Variants in NRG1 observed in about 807,000 individuals in gnomAD.
NRG1 encodes neuregulin 1.
Under a neutral mutation model 63.8 loss-of-function variants are expected in NRG1, and 18 were observed. The observed-to-expected ratio is 0.28, with a 90% confidence interval of 0.19 to 0.42. The LOEUF (loss-of-function observed/expected upper bound fraction) is 0.42, where lower values mean the gene tolerates loss of function less well. NRG1 is among the 10% of genes least tolerant of loss of function. The pLI is 1.00. For missense variants in NRG1, 762 were observed against 814.7 expected (o/e 0.94, Z 0.79); for synonymous variants, 302 against 301.3 (o/e 1.00, Z -0.02).
intron 1 of NRG1, among the ~76,000 whole-genome samples, chr8:32,187,857 A>G (rs190399972): frequency 1.3e-5 from 2 of 152,308 alleles, no homozygotes; most frequent in South Asian, 2.1e-4. Flanking sequence ...TCTAAAGACA[A>G]CGTACCCACT....
chr8:32,042,825 A>C (rs1046081168), intron 1 of NRG1, among the ~76,000 whole-genome samples: 6 of 152,212 alleles, frequency 3.9e-5, no homozygotes, highest in African/African-American at 1.4e-4. Flanking sequence ...AGATAGATTG[A>C]TAGAAATTAT....
chr8:32,745,573 T>C (rs754555203), intron 7 of NRG1, among the ~76,000 whole-genome samples: 1 of 152,172 alleles, frequency 6.6e-6, no homozygotes, highest in Non-Finnish European at 1.5e-5. Flanking sequence ...TAGTACTTTC[T>C]AGGAAAATAT....
intron 1 of NRG1, among the ~76,000 whole-genome samples, chr8:32,159,540 CAAA>C (rs10684266): frequency 4.1e-5 from 3 of 73,688 alleles, no homozygotes; most frequent in Non-Finnish European, 6.4e-5. Context: ...GACTCCGTCT[CAAA>C]AAAAAAAAAA....
At chr8:32,700,353 C>T (rs1814527930) in intron 5 of NRG1, among the ~76,000 whole-genome samples, 1 of 152,066 alleles carries the variant, frequency 6.6e-6, no homozygotes, top group South Asian at 2.1e-4. Flanking sequence ...AAAATGAATG[C>T]TTTTATTTAA....
chr8:31,739,815 AC>A (rs1815082660), intron 1 of NRG1, among the ~76,000 whole-genome samples: 1 of 152,000 alleles, frequency 6.6e-6, no homozygotes, highest in Admixed American at 6.6e-5. Context: ...TCTTTATAAA[AC>A]TGCTAGAAAA....
intron 4 of NRG1, 60 bp downstream of exon 4, chr8:32,614,624 G>T: frequency 2.0e-6 from 3 of 1,521,716 alleles, no homozygotes; most frequent in Non-Finnish European, 2.7e-6. Context: ...ACTGCTGGCT[G>T]CTCCTTCTAC....
intron 1 of NRG1, among the ~76,000 whole-genome samples, chr8:32,402,635 G>A (rs902411695): frequency 6.6e-6 from 1 of 152,070 alleles, no homozygotes; most frequent in African/African-American, 2.4e-5. Flanking sequence ...TTGTGTTGAA[G>A]TCACCCTTAT....
At chr8:32,337,691 A>G (rs1203141851) in intron 1 of NRG1, among the ~76,000 whole-genome samples, 1 of 116,632 alleles carries the variant, frequency 8.6e-6, no homozygotes, top group Admixed American at 8.3e-5. Context: ...AAGCTGATGC[A>G]GTTAGGAAAG....
chr8:32,165,452 A>G (rs1357018215), intron 1 of NRG1, among the ~76,000 whole-genome samples: 1 of 152,136 alleles, frequency 6.6e-6, no homozygotes, highest in African/African-American at 2.4e-5. Flanking sequence ...CCTGGCCCTT[A>G]TTATTGAGTA....
At chr8:31,741,573 G>A (rs1815279834) in intron 1 of NRG1, among the ~76,000 whole-genome samples, 1 of 151,760 alleles carries the variant, frequency 6.6e-6, no homozygotes, top group African/African-American at 2.4e-5. Flanking sequence ...TACTTCAAAC[G>A]ACATTATTCA....
intron 1 of NRG1, among the ~76,000 whole-genome samples, chr8:32,151,992 C>G: frequency 1.3e-5 from 2 of 152,228 alleles, no homozygotes; most frequent in Middle Eastern, 3.4e-3. Flanking sequence ...GTGAGTTAGG[C>G]GAAGTGCACA....
chr8:32,508,416 G>A (rs538343981), intron 1 of NRG1, among the ~76,000 whole-genome samples: 16 of 151,030 alleles, frequency 1.1e-4, no homozygotes, highest in African/African-American at 3.2e-4. Context: ...TCAGCCTCCC[G>A]AGTAGCTGGG....
At chr8:32,767,133 C>T (rs547083290) in exon 12 of NRG1, 1 of 152,332 alleles carries the variant, frequency 6.6e-6, no homozygotes, top group East Asian at 1.9e-4. Context: ...TTCTATCTTA[C>T]TTTCCCTTCC....
chr8:31,739,253 C>A (rs193168931), intron 1 of NRG1, among the ~76,000 whole-genome samples: 27 of 152,118 alleles, frequency 1.8e-4, no homozygotes, highest in Non-Finnish European at 3.1e-4. Context: ...ATTATGTGAC[C>A]ACCCAGGCCT....
At chr8:32,401,894 G>T (rs779293307) in intron 1 of NRG1, among the ~76,000 whole-genome samples, 1 of 152,012 alleles carries the variant, frequency 6.6e-6, no homozygotes, top group Non-Finnish European at 1.5e-5. Flanking sequence ...AATAAAAGTT[G>T]TTTGTTTGGT....
intron 1 of NRG1, among the ~76,000 whole-genome samples, chr8:32,232,704 G>A (rs1174926515): frequency 6.6e-6 from 1 of 151,994 alleles, no homozygotes; most frequent in Non-Finnish European, 1.5e-5. Flanking sequence ...TTTATCCCAG[G>A]CTTTTAGCAA....
intron 1 of NRG1, among the ~76,000 whole-genome samples, chr8:32,091,002 GGGCGCGGT>G (rs1337865624): frequency 6.6e-6 from 1 of 152,160 alleles, no homozygotes; most frequent in Non-Finnish European, 1.5e-5. Flanking sequence ...GAATTGGGCC[GGGCGCGGT>G]GGCTCACACC....
At chr8:31,698,466 A>T (rs1256938836) in intron 1 of NRG1, among the ~76,000 whole-genome samples, 1 of 152,198 alleles carries the variant, frequency 6.6e-6, no homozygotes, top group African/African-American at 2.4e-5. Context: ...GCTTCACTGT[A>T]ATTTTCGTTT....
intron 1 of NRG1, among the ~76,000 whole-genome samples, chr8:32,290,138 G>T (rs1447186183): frequency 6.6e-6 from 1 of 152,050 alleles, no homozygotes; most frequent in Admixed American, 6.6e-5. Context: ...CTATTTGGGA[G>T]GCTAAGGCAG....
Sources: gnomAD v4.1 joint callset for allele counts (sites outside exome capture counted in the v4.1 genomes callset) on GRCh38, gnomAD v4.1.1 for gene constraint, MANE v1.5 for transcripts, NCBI Gene and HGNC (gene_info 2026-07-23, HGNC 2026-07-21) for gene names.